NCK2: variants seen among roughly 807,000 people sequenced by gnomAD.
The protein encoded by NCK2 is NCK adaptor protein 2.
A neutral mutation model predicts 33.9 loss-of-function variants in NCK2; 16 were observed. That is an observed-to-expected ratio of 0.47 (90% CI 0.32 to 0.72). NCK2 has a LOEUF of 0.72. NCK2 is among the 30% of genes least tolerant of loss of function. The pLI, the probability that NCK2 is intolerant of heterozygous loss-of-function variation, is 0.03. For synonymous variants in NCK2, 273 were observed against 239.9 expected, an observed-to-expected ratio of 1.14 and a Z score of -1.27; for missense variants, 418 against 537.3, an observed-to-expected ratio of 0.78 and a Z score of 2.19.
chr2:105,748,038 C>T (rs537701953), intron 1 of NCK2, among the ~76,000 whole-genome samples: 1 of 152,302 alleles, frequency 6.6e-6, no homozygotes, highest in African/African-American at 2.4e-5. Flanking sequence ...CAAGTATTAC[C>T]TCTGCCCAGT....
intron 1 of NCK2, among the ~76,000 whole-genome samples, chr2:105,796,249 G>C (rs1481160045): frequency 6.6e-6 from 1 of 152,236 alleles, no homozygotes; most frequent in African/African-American, 2.4e-5. Flanking sequence ...AAGTATATAT[G>C]GCTGGTGGGC....
chr2:105,891,745 C>T (rs888704865), intron 4 of NCK2, among the ~76,000 whole-genome samples: 3 of 151,862 alleles, frequency 2.0e-5, no homozygotes, highest in Admixed American at 1.3e-4. Context: ...TGAGGTTTCA[C>T]CATGTTGGCC....
At chr2:105,876,940 G>A (rs962912824) in intron 3 of NCK2, among the ~76,000 whole-genome samples, 7 of 152,112 alleles carry the variant, frequency 4.6e-5, no homozygotes, top group East Asian at 1.9e-4. Context: ...GCAGTGCTCC[G>A]TCTCCCAGAC....
At chr2:105,885,333 C>T (rs1036898192) in intron 4 of NCK2, among the ~76,000 whole-genome samples, 2 of 152,056 alleles carry the variant, frequency 1.3e-5, no homozygotes, top group African/African-American at 4.8e-5. Flanking sequence ...AAAACTGTCT[C>T]GCTAAGGATA....
intron 4 of NCK2, among the ~76,000 whole-genome samples, chr2:105,887,114 G>A (rs994480144): frequency 4.6e-5 from 7 of 152,176 alleles, no homozygotes; most frequent in African/African-American, 1.7e-4. Flanking sequence ...ATAAGTATAG[G>A]CAGGAGTAAT....
intron 2 of NCK2, among the ~76,000 whole-genome samples, chr2:105,849,186 C>T (rs903032347): frequency 6.6e-6 from 1 of 152,172 alleles, no homozygotes; most frequent in Non-Finnish European, 1.5e-5. Flanking sequence ...AGCTTGAGAC[C>T]AGCCTAGGCA....
At chr2:105,873,351 C>T (rs1274913536) in intron 3 of NCK2, among the ~76,000 whole-genome samples, 3 of 152,178 alleles carry the variant, frequency 2.0e-5, no homozygotes, top group African/African-American at 7.2e-5. Flanking sequence ...ATCGAGGTTA[C>T]ATCATGTTGG....
At chr2:105,852,126 C>T (rs1027569195) in intron 2 of NCK2, among the ~76,000 whole-genome samples, 1 of 152,080 alleles carries the variant, frequency 6.6e-6, no homozygotes, top group African/African-American at 2.4e-5. Context: ...GAGGGGAGGT[C>T]CACAGGCCTG....
intron 2 of NCK2, among the ~76,000 whole-genome samples, chr2:105,817,461 TG>T (rs2104485878): frequency 6.6e-6 from 1 of 152,342 alleles, no homozygotes; most frequent in East Asian, 1.9e-4. Flanking sequence ...TCTTTCTGGC[TG>T]GGCAGTAAGA....
In NCK2 at chr2:105,865,035, C is replaced by T. The variant is rs1325234525; in HGVS notation, c.226+9746C>T. 2.6e-5 allele frequency among the ~76,000 whole-genome samples: 4 copies of T among 152,292 alleles called. No individual in the cohort carries two copies. The East Asian group carries it at 7.7e-4, about 29-fold the overall frequency. On this transcript the variant is annotated intron_variant, in intron 3 of 4. Transcript: ENST00000233154. The stretch of plus-strand genomic sequence containing the variant: ...CAGGAGGCCTCTTGGTAGCTGGTGT[C>T]AGGGCCGCAGGCTCCCTCAGCCAGC...
At chr2:105,834,166 G>A (rs1298533997) in intron 2 of NCK2, among the ~76,000 whole-genome samples, 1 of 152,198 alleles carries the variant, frequency 6.6e-6, no homozygotes, top group East Asian at 1.9e-4. Flanking sequence ...TTGATACATA[G>A]TGCAGTTTAA....
At chr2:105,810,321 T>TGAGA (rs994787495) in intron 1 of NCK2, among the ~76,000 whole-genome samples, 1 of 151,742 alleles carries the variant, frequency 6.6e-6, no homozygotes, top group African/African-American at 2.4e-5. Context: ...TGTGTGTGTG[T>TGAGA]GAGAGAGAGA....
At chr2:105,751,365 A>G (rs1689449933) in intron 1 of NCK2, among the ~76,000 whole-genome samples, 1 of 152,010 alleles carries the variant, frequency 6.6e-6, no homozygotes, top group African/African-American at 2.4e-5. Context: ...CTTTTTAACC[A>G]TTCCTGCCAA....
intron 1 of NCK2, among the ~76,000 whole-genome samples, chr2:105,748,750 T>A (rs925764004): frequency 1.3e-5 from 2 of 152,096 alleles, no homozygotes; most frequent in Admixed American, 6.6e-5. Context: ...TTTTCTTTAC[T>A]AGATTCTGAA....
At chr2:105,845,397 AT>A (rs3047674) in intron 2 of NCK2, among the ~76,000 whole-genome samples, 17,750 of 145,752 alleles carry the variant, frequency 0.12, 1,114 homozygotes, top group African/African-American at 0.17. Flanking sequence ...TATATTTTGA[AT>A]TTTTTTTTTT....
intron 1 of NCK2, among the ~76,000 whole-genome samples, chr2:105,798,162 G>A (rs573261935): frequency 2.6e-5 from 4 of 152,232 alleles, no homozygotes; most frequent in South Asian, 4.1e-4. Flanking sequence ...GCTAATGTTC[G>A]CTTGTTGTAA....
chr2:105,801,056 T>C (rs1341307459), intron 1 of NCK2, among the ~76,000 whole-genome samples: 4 of 152,348 alleles, frequency 2.6e-5, no homozygotes, highest in South Asian at 2.1e-4. Flanking sequence ...GGTTACTGAA[T>C]GGAGGTGAAA....
chr2:105,865,127 C>T (rs781610123), intron 3 of NCK2, among the ~76,000 whole-genome samples: 5 of 152,124 alleles, frequency 3.3e-5, no homozygotes, highest in African/African-American at 4.8e-5. Context: ...ACAGAAAGCT[C>T]ATGCAGTAGA....
intron 1 of NCK2, among the ~76,000 whole-genome samples, chr2:105,767,371 A>G (rs754538273): frequency 4.6e-5 from 7 of 152,216 alleles, no homozygotes; most frequent in Non-Finnish European, 1.0e-4. Context: ...TGTTTCCACA[A>G]TAACCTAGTT....
Sources: gnomAD v4.1 joint callset for allele counts (sites outside exome capture counted in the v4.1 genomes callset) on GRCh38, gnomAD v4.1.1 for gene constraint, MANE v1.5 for transcripts, NCBI Gene and HGNC (gene_info 2026-07-23, HGNC 2026-07-21) for gene names.